Variants in CTNNA3 observed in about 807,000 individuals in gnomAD.
CTNNA3 encodes catenin alpha-3.
A neutral mutation model predicts 95.7 loss-of-function variants in CTNNA3; 76 were observed. That is an observed-to-expected ratio of 0.79 (90% CI 0.66 to 0.96). The LOEUF (loss-of-function observed/expected upper bound fraction) is 0.96. Ranked by LOEUF, CTNNA3 falls within the 40% of genes least tolerant of loss-of-function variation. CTNNA3 has a pLI of 0.00. For synonymous variants in CTNNA3, 431 were observed against 374.4 expected (o/e 1.15, Z -1.74); for missense variants, 1,191 against 1,089.8 (o/e 1.09, Z -1.31).
Position 66,360,784 on chromosome 10 carries a change from T to TCTTC in CTNNA3, c.1732+18364_1732+18367dup, listed in dbSNP as rs1234588454. 3.2e-3 allele frequency among the ~76,000 whole-genome samples: 170 copies of TCTTC among 52,808 alleles called. 7 individuals carry two copies. The highest frequency in any genetic ancestry group is 9.4e-3 in the African/African-American group (145 of 15,410). The allele number at this position is 52,808 out of a possible 152,430, so 34.6% of individuals were successfully genotyped here. A position where few individuals can be genotyped will look rare whatever the true frequency, so the allele number is the denominator to read the frequency against. ...CCTTCCTTCCTTTTCTTTCTTTCTT[T>TCTTC]CTTCCTTCCTTCCTTCCTTCCTTCC... is the stretch of plus-strand genomic sequence containing the variant. On this transcript the variant is annotated intron_variant, in intron 12 of 17. Coordinates refer to ENST00000433211, the MANE Select transcript of CTNNA3 (RefSeq NM_013266.4).
At chr10:66,137,907 G>A (rs2083434895) in intron 13 of CTNNA3, among the ~76,000 whole-genome samples, 1 of 151,974 alleles carries the variant, frequency 6.6e-6, no homozygotes, top group African/African-American at 2.4e-5. Context: ...CCAAGATTAT[G>A]TCATTGTACT....
At chr10:67,490,088 A>G (rs1321022089) in intron 5 of CTNNA3, among the ~76,000 whole-genome samples, 1 of 152,126 alleles carries the variant, frequency 6.6e-6, no homozygotes, top group Non-Finnish European at 1.5e-5. Flanking sequence ...TTTGCTTTCC[A>G]TTGCCCATGT....
At position 66,309,887 on chromosome 10, in the gene CTNNA3, G is replaced by A. The variant is rs955790211; in HGVS notation, c.1733-29266C>T. Among the ~76,000 whole-genome samples, 9 of 147,990 alleles carry A rather than the reference G, an allele frequency of 6.1e-5. No homozygotes were observed. The South Asian group carries it at 6.4e-4, about 10-fold the overall frequency. ...AGCCTAGCCAACATGGTGAAACCCCGTCTCTACCAAAGATACAAAAAATAA... is the reference window on the plus strand; with the variant it reads ...AGCCTAGCCAACATGGTGAAACCCCATCTCTACCAAAGATACAAAAAATAA... On this transcript the variant is annotated intron_variant, in intron 12 of 17. Transcript: ENST00000433211.
At chr10:67,344,318 T>A (rs986896774) in intron 5 of CTNNA3, among the ~76,000 whole-genome samples, 8 of 152,062 alleles carry the variant, frequency 5.3e-5, no homozygotes, top group African/African-American at 1.7e-4. Flanking sequence ...TTTTTTCTGA[T>A]GTGTCTTTGT....
At chr10:67,255,005 A>G (rs923616994) in intron 5 of CTNNA3, among the ~76,000 whole-genome samples, 6 of 152,226 alleles carry the variant, frequency 3.9e-5, no homozygotes, top group Non-Finnish European at 5.9e-5. Context: ...TAAAACCACA[A>G]TAATTTCTGG....
chr10:66,750,424 T>A (rs1050064686), intron 9 of CTNNA3, among the ~76,000 whole-genome samples: 2 of 152,210 alleles, frequency 1.3e-5, no homozygotes, highest in Non-Finnish European at 2.9e-5. Context: ...AGATTCATTT[T>A]TCCACATTTG....
At chr10:67,388,072 CG>C (rs1844273001) in intron 5 of CTNNA3, among the ~76,000 whole-genome samples, 1 of 150,340 alleles carries the variant, frequency 6.7e-6, no homozygotes, top group South Asian at 2.1e-4. Context: ...ATGACTTTGA[CG>C]AGCTGAGAGA....
At position 66,890,478 on chromosome 10, in the gene CTNNA3, A is replaced by C. The variant is rs544074462; in HGVS notation, c.1048-114954T>G. 2.6e-5 allele frequency among the ~76,000 whole-genome samples: 4 copies of C among 152,274 alleles called. No individual in the cohort carries two copies. In the South Asian group the frequency reaches 8.3e-4, roughly 32 times the overall value. ...AGAAAGGAGAGTGGTTCAACAGAGA[A>C]AGTAGGCAATTGTATTGATACTGGT... is the stretch of plus-strand genomic sequence containing the variant. On this transcript the variant is annotated intron_variant, in intron 7 of 17. Transcript: ENST00000433211.
chr10:67,144,438 A>G (rs1860746535), intron 7 of CTNNA3, among the ~76,000 whole-genome samples: 1 of 152,234 alleles, frequency 6.6e-6, no homozygotes, highest in African/African-American at 2.4e-5. Context: ...GTCCTAGATG[A>G]CATCTTCTTC....
At position 67,726,182 on chromosome 10, in the gene CTNNA3, T is replaced by C. The variant is rs1208787257; in HGVS notation, c.-2+37252A>G. On this transcript the variant is annotated intron_variant, in intron 1 of 17. Transcript: ENST00000684154. ...ATATAATCTTATATAATAATATATA[T>C]TATTATAATATATAATATATCATAT... is the stretch of plus-strand genomic sequence containing the variant. Among the ~76,000 whole-genome samples, 9 of 95,064 alleles carry C rather than the reference T, an allele frequency of 9.5e-5. No individual in the cohort carries two copies. The Admixed American group carries it at 1.4e-3, about 15-fold the overall frequency. 62.4% of individuals were successfully genotyped at this position (95,064 alleles called of 152,430 possible). A position where few individuals can be genotyped will look rare whatever the true frequency, so the allele number is the denominator to read the frequency against.
intron 12 of CTNNA3, among the ~76,000 whole-genome samples, chr10:66,378,588 A>C (rs2092812137): frequency 6.6e-6 from 1 of 152,212 alleles, no homozygotes; most frequent in Non-Finnish European, 1.5e-5. Context: ...AGAACTAAGC[A>C]TTTGCTGGCT....
At chr10:67,520,964 C>T (rs189710543) in intron 5 of CTNNA3, among the ~76,000 whole-genome samples, 2 of 152,148 alleles carry the variant, frequency 1.3e-5, no homozygotes, top group Non-Finnish European at 2.9e-5. Flanking sequence ...GTGATCGACT[C>T]GAGGCCTGGC....
rs1215967791 is a variant in CTNNA3 at position 66,028,289 on chromosome 10, C to T, written c.2160-39492G>A. Among the ~76,000 whole-genome samples, 5 of 152,198 alleles carry T rather than the reference C, an allele frequency of 3.3e-5. 1 individual carries two copies. In the South Asian group the frequency reaches 1.0e-3, roughly 31 times the overall value. On this transcript the variant is annotated intron_variant, in intron 15 of 17. Transcript: ENST00000433211. ...TATAAATCATGCTGCTATAAAGACA[C>T]ATGCACACATATGTTTATTGTAGCA... is the stretch of plus-strand genomic sequence containing the variant.
At position 67,181,835 on chromosome 10, in the gene CTNNA3, AT is replaced by A. The variant is rs56779329; in HGVS notation, c.844-1316del. ...ATAGAAAAAGATATAGTTTTAAAAC[AT>A]TTTTTTTAAAAAAACAGCACTGTGT... is the stretch of plus-strand genomic sequence containing the variant. On this transcript the variant is annotated intron_variant, in intron 6 of 17. Coordinates refer to ENST00000433211, the MANE Select transcript of CTNNA3 (RefSeq NM_013266.4). Among the ~76,000 whole-genome samples the A allele has an allele frequency of 0.011, 1,699 of 151,948 alleles. 93 individuals carry two copies. In the East Asian group the frequency reaches 0.17, roughly 15 times the overall value.
At chr10:67,320,353 A>C (rs932892155) in intron 5 of CTNNA3, among the ~76,000 whole-genome samples, 3 of 152,228 alleles carry the variant, frequency 2.0e-5, no homozygotes, top group Non-Finnish European at 4.4e-5. Context: ...GGAGAGGAAG[A>C]AAAAGTTGTT....
chr10:66,130,187 C>T (rs1464550854), intron 13 of CTNNA3, among the ~76,000 whole-genome samples: 3 of 152,170 alleles, frequency 2.0e-5, no homozygotes, highest in Admixed American at 2.0e-4. Flanking sequence ...ATACAACACA[C>T]CATAATCTCT....
chr10:66,148,637 G>A (rs2084021276), intron 13 of CTNNA3, among the ~76,000 whole-genome samples: 1 of 151,996 alleles, frequency 6.6e-6, no homozygotes, highest in African/African-American at 2.4e-5. Context: ...CATCTCTGAA[G>A]CAGGGAGAGA....
At chr10:66,613,445 G>A (rs1305653855) in intron 10 of CTNNA3, among the ~76,000 whole-genome samples, 2 of 152,052 alleles carry the variant, frequency 1.3e-5, no homozygotes, top group Admixed American at 6.6e-5. Context: ...GTTCCTTGGA[G>A]TAGGTGGAAG....
At chr10:66,638,524 C>T (rs1237031475) in intron 9 of CTNNA3, among the ~76,000 whole-genome samples, 2 of 152,114 alleles carry the variant, frequency 1.3e-5, no homozygotes, top group African/African-American at 4.8e-5. Flanking sequence ...AATCTATTCA[C>T]TTGAAATTAA....
Sources: allele counts gnomAD v4.1 joint callset (sites outside exome capture counted in the v4.1 genomes callset), GRCh38; gene constraint gnomAD v4.1.1; transcripts MANE v1.5; gene names NCBI Gene and HGNC (gene_info 2026-07-23, HGNC 2026-07-21).